The following TMEM202 variants were observed in gnomAD, a reference collection of about 807,000 sequenced individuals.
The protein encoded by TMEM202 is transmembrane protein 202.
TMEM202 carries 25 observed loss-of-function variants against 26.1 expected under a neutral mutation model. That is an observed-to-expected ratio of 0.96 (90% CI 0.70 to 1.34). TMEM202 has a LOEUF of 1.34. TMEM202 is among the 40% of genes most tolerant of loss of function. The pLI is 0.00. For synonymous variants in TMEM202, 122 were observed against 119.0 expected, an observed-to-expected ratio of 1.02 and a Z score of -0.16; for missense variants, 301 against 327.7, an observed-to-expected ratio of 0.92 and a Z score of 0.63.
chr15:72,400,108 A>G (rs1020370947), intron 2 of TMEM202, among the ~76,000 whole-genome samples: 2 of 152,240 alleles, frequency 1.3e-5, no homozygotes, highest in African/African-American at 4.8e-5. Context: ...AACTAGAGAA[A>G]ATATTTGCAA....
intron 2 of TMEM202, among the ~76,000 whole-genome samples, chr15:72,399,377 G>C (rs2063537440): frequency 6.6e-6 from 1 of 152,040 alleles, no homozygotes; most frequent in Admixed American, 6.5e-5. Flanking sequence ...TGGTCTCAAA[G>C]TCCTGGCCTC....
Position 72,398,704 on chromosome 15 carries a change from C to T in TMEM202, c.133C>T (p.Gln45Ter), listed in dbSNP as rs1204231008. The change falls in exon 2 of 5, where the codon CAG (glutamine) becomes TAG (stop). Residue 45 changes from glutamine to a stop codon, truncating the protein, a stop_gained. Coordinates refer to ENST00000341689, the MANE Select transcript of TMEM202 (RefSeq NM_001080462.3). LOFTEE classifies it high-confidence loss of function. ...AAGTGCCTCGATGTCATGCCAAAGG[C>T]AGCAGCAGCTTATGGATCAGGCACA... ...HPSASMSCQR[Q>*]QQLMDQAHIY... The T allele has an allele frequency of 1.2e-6, 2 of 1,614,170 alleles. No individual in the cohort carries two copies. The highest frequency in any genetic ancestry group is 8.5e-7 in the Non-Finnish European group (1 of 1,180,042).
In TMEM202 at chr15:72,407,692, G is replaced by C. The variant is rs1228806246; in HGVS notation, c.621G>C (p.Gly207=). 3 of 1,613,624 alleles carry C rather than the reference G, an allele frequency of 1.9e-6. No individual in the cohort carries two copies. Among genetic ancestry groups the C allele is most frequent in the African/African-American group, 1.3e-5 (1 of 74,892 alleles). Residue 207 remains glycine (G), a splice_region_variant and synonymous_variant, in exon 5 of 5, where the codon GGG becomes GGC. Coordinates refer to ENST00000341689, the MANE Select transcript of TMEM202 (RefSeq NM_001080462.3). The part of the protein sequence containing the change: ...WCSDIFYMFA[G]IISLLNYLTS... ...CCTCAAATTATTCCCTTCCCGTAGG[G>C]ATCATCTCTCTTCTCAACTACTTAA... is the stretch of plus-strand genomic sequence containing the variant.
Position 72,407,915 on chromosome 15 carries a change from T to C in TMEM202, c.*22T>C, listed in dbSNP as rs375141280. The C allele has an allele frequency of 4.4e-6, 7 of 1,602,282 alleles. No individual in the cohort carries two copies. In the African/African-American group the frequency reaches 9.4e-5, roughly 21 times the overall value. On this transcript the variant is annotated 3_prime_UTR_variant, in exon 5 of 5. Coordinates refer to ENST00000341689, the MANE Select transcript of TMEM202 (RefSeq NM_001080462.3). Reference sequence around the variant, plus strand: ...GTGATAGGAAAACCTAACTATAGCTTGTCTTAAAAGCAGGGGAGAAGCTGA... The same window carrying C: ...GTGATAGGAAAACCTAACTATAGCTCGTCTTAAAAGCAGGGGAGAAGCTGA...
intron 2 of TMEM202, among the ~76,000 whole-genome samples, chr15:72,404,406 C>T (rs1047575905): frequency 6.6e-6 from 1 of 151,858 alleles, no homozygotes; most frequent in Non-Finnish European, 1.5e-5. Context: ...CAGACTGAGA[C>T]CCCGTCTCAA....
intron 4 of TMEM202, 142 bp from the exon 5 acceptor site, chr15:72,407,548 AG>A: frequency 2.8e-6 from 2 of 706,566 alleles, no homozygotes; most frequent in Non-Finnish European, 4.7e-6. Flanking sequence ...AGAGCACAGG[AG>A]GGTAAAGTAA....
At position 72,398,896 on chromosome 15, in the gene TMEM202, C is replaced by T. The variant is rs372766881; in HGVS notation, c.325C>T (p.Pro109Ser). 49 of 1,602,572 alleles carry T rather than the reference C, an allele frequency of 3.1e-5. No homozygotes were observed. The African/African-American group carries it at 5.1e-4, about 17-fold the overall frequency. The change falls in exon 2 of 5, where the codon CCC becomes TCC. Residue 109 changes from proline (P) to serine (S), a missense_variant. Transcript: ENST00000341689. ...CNHELCWSHT[P>S]KPPYYLQYSR... The stretch of plus-strand genomic sequence containing the variant: ...CCATGAGCTGTGCTGGAGCCACACA[C>T]CCAAGCCACCCTGTGAGTGCCACCG...
chr15:72,400,121 A>G (rs1338758979), intron 2 of TMEM202, among the ~76,000 whole-genome samples: 1 of 152,248 alleles, frequency 6.6e-6, no homozygotes, highest in African/African-American at 2.4e-5. Flanking sequence ...ATTTGCAACA[A>G]TTATGAAAGA....
intron 2 of TMEM202, 83 bp downstream of exon 2, chr15:72,398,991 T>A: frequency 6.6e-7 from 1 of 1,510,468 alleles, no homozygotes; most frequent in Non-Finnish European, 8.9e-7. Context: ...TCATGTTTCT[T>A]CCTCCAAGAT....
intron 2 of TMEM202, among the ~76,000 whole-genome samples, chr15:72,400,137 G>T (rs2063540866): frequency 6.6e-6 from 1 of 152,114 alleles, no homozygotes; most frequent in South Asian, 2.1e-4. Flanking sequence ...AAAGATAAAG[G>T]TTAATGGCCT....
intron 2 of TMEM202, among the ~76,000 whole-genome samples, chr15:72,402,668 C>A (rs1335451655): frequency 6.6e-6 from 1 of 152,112 alleles, no homozygotes; most frequent in Non-Finnish European, 1.5e-5. Context: ...GATATATTGC[C>A]ACAGAGAGTA....
intron 2 of TMEM202, among the ~76,000 whole-genome samples, chr15:72,403,078 G>T (rs1047533363): frequency 6.6e-6 from 1 of 152,056 alleles, no homozygotes; most frequent in African/African-American, 2.4e-5. Context: ...AAGCTCCCTG[G>T]CCAACTTTTA....
chr15:72,407,363 AG>A, intron 4 of TMEM202, 146 bp downstream of exon 4: 1 of 1,048,540 alleles, frequency 9.5e-7, no homozygotes, highest in South Asian at 1.5e-5. Context: ...TAATGAAGAA[AG>A]GGTGGATTTT....
At position 72,407,760 on chromosome 15, in the gene TMEM202, C is replaced by T. The variant is rs1301489721; in HGVS notation, c.689C>T (p.Pro230Leu). Reference protein sequence around the residue: ...PACDENVTVIPTERSRLGVGP... With the variant: ...PACDENVTVILTERSRLGVGP... ...TGTGATGAAAACGTCACTGTGATTC[C>T]AACAGAGAGATCAAGGCTGGGGGTT... is the stretch of plus-strand genomic sequence containing the variant. The change falls in exon 5 of 5, where the codon CCA becomes CTA. Residue 230 changes from proline (P) to leucine (L), a missense_variant. By Grantham distance (98) the Pro-to-Leu change is moderately conservative. Coordinates refer to ENST00000341689, the MANE Select transcript of TMEM202 (RefSeq NM_001080462.3). 1 of 1,613,984 alleles carries T rather than the reference C, an allele frequency of 6.2e-7. No homozygotes were observed. Among genetic ancestry groups the T allele is most frequent in the African/African-American group, 1.3e-5 (1 of 75,014 alleles).
rs1051712895 is a variant in TMEM202 at position 72,405,992 on chromosome 15, C to T, written c.338-610C>T. On this transcript the variant is annotated intron_variant, in intron 2 of 4. Transcript: ENST00000341689. ...TAGTCATAGGCTGACAAGGCCTGTA[C>T]ATGCCAGATAGAGCTGGAAGTGAAA... is the stretch of plus-strand genomic sequence containing the variant. 3.9e-5 allele frequency among the ~76,000 whole-genome samples: 6 copies of T among 152,092 alleles called. No individual in the cohort carries two copies. The South Asian group carries it at 6.2e-4, about 16-fold the overall frequency.
At position 72,407,635 on chromosome 15, in the gene TMEM202, A is replaced by G. The variant is rs1439130766; in HGVS notation, c.620-56A>G. On this transcript the variant is annotated intron_variant, in intron 4 of 4. Transcript: ENST00000341689. ...TATTAAAGGATGCATAAGAATTTTA[A>G]AAGCCAAAAGACCATTGCCTATTGA... The G allele has an allele frequency of 2.6e-6, 4 of 1,542,522 alleles. No individual in the cohort carries two copies. In the African/African-American group the frequency reaches 4.1e-5, roughly 16 times the overall value.
intron 3 of TMEM202, 117 bp downstream of exon 3, chr15:72,406,868 C>A: frequency 7.9e-7 from 1 of 1,265,370 alleles, no homozygotes; most frequent in Non-Finnish European, 1.1e-6. Context: ...CAGTATCACA[C>A]CAACTTGCCA....
chr15:72,406,983 T>C, intron 3 of TMEM202, 103 bp from the exon 4 acceptor site: 1 of 1,470,860 alleles, frequency 6.8e-7, no homozygotes, highest in Middle Eastern at 2.5e-4. Context: ...ATCTTTTTGA[T>C]CCTCGCTATA....
intron 2 of TMEM202, among the ~76,000 whole-genome samples, chr15:72,403,515 C>T (rs2063558086): frequency 6.6e-6 from 1 of 152,118 alleles, no homozygotes; most frequent in African/African-American, 2.4e-5. Flanking sequence ...CAGGGGTGTT[C>T]GTTTTATCTC....
Sources: allele counts gnomAD v4.1 joint callset (sites outside exome capture counted in the v4.1 genomes callset), GRCh38; gene constraint gnomAD v4.1.1; transcripts MANE v1.5; gene names NCBI Gene and HGNC (gene_info 2026-07-23, HGNC 2026-07-21).